Variants in LRP1B observed in about 807,000 individuals in gnomAD.
LRP1B encodes the protein low-density lipoprotein receptor-related protein 1B.
A neutral mutation model predicts 556.6 loss-of-function variants in LRP1B; 217 were observed. The observed-to-expected ratio is 0.39, with a 90% confidence interval of 0.35 to 0.44. The LOEUF (loss-of-function observed/expected upper bound fraction) is 0.44, where lower values mean the gene tolerates loss of function less well. Ranked by LOEUF, LRP1B falls within the 20% of genes least tolerant of loss-of-function variation. The pLI is 1.00. For missense variants in LRP1B, 5,053 were observed against 5,620.8 expected (o/e 0.90, Z 3.23); for synonymous variants, 2,047 against 1,865.8 (o/e 1.10, Z -2.50).
At chr2:140,419,016 A>G (rs1301642203) in intron 66 of LRP1B, among the ~76,000 whole-genome samples, 1 of 152,200 alleles carries the variant, frequency 6.6e-6, no homozygotes, top group Admixed American at 6.5e-5. Context: ...CTAAATAAAT[A>G]TAAAACACAG....
chr2:140,849,345 C>T (rs184942025), intron 29 of LRP1B, among the ~76,000 whole-genome samples: 78 of 149,028 alleles, frequency 5.2e-4, no homozygotes, highest in Non-Finnish European at 8.9e-4. Context: ...GCGCTGCAGC[C>T]TGGGTGACAG....
At chr2:140,453,466 C>T (rs1359068561) in intron 62 of LRP1B, among the ~76,000 whole-genome samples, 1 of 151,908 alleles carries the variant, frequency 6.6e-6, no homozygotes, top group African/African-American at 2.4e-5. Flanking sequence ...TAAATGTTCT[C>T]TAAGACTAAT....
At position 140,776,159 on chromosome 2, in the gene LRP1B, G is replaced by T; in HGVS notation, c.5439C>A (p.Ile1813=). Residue 1813 remains isoleucine, a synonymous_variant, in exon 33 of 91, where the codon ATC becomes ATA. Transcript: ENST00000389484. ...CSKRDGRNPT[I]LRNKTSGVVH... The stretch of plus-strand genomic sequence containing the variant: ...CTACCCCAGAAGTCTTATTCCGTAG[G>T]ATGGTGGGGTTTCTTCCGTCTCTTT... The T allele has an allele frequency of 6.3e-7, 1 of 1,596,708 alleles. No homozygotes were observed. The highest frequency in any genetic ancestry group is 1.1e-5 in the South Asian group (1 of 89,014).
chr2:141,196,836 A>G (rs2092000303), intron 6 of LRP1B, among the ~76,000 whole-genome samples: 1 of 152,050 alleles, frequency 6.6e-6, no homozygotes, highest in Admixed American at 6.6e-5. Flanking sequence ...ATTAGTCCTG[A>G]GACTTACTGC....
chr2:141,524,017 A>C (rs1308952692), intron 2 of LRP1B, among the ~76,000 whole-genome samples: 1 of 152,166 alleles, frequency 6.6e-6, no homozygotes, highest in Non-Finnish European at 1.5e-5. Flanking sequence ...ATTTCTGTAT[A>C]AATTTTTCAT....
At chr2:141,136,636 A>G (rs2105042693) in intron 7 of LRP1B, among the ~76,000 whole-genome samples, 1 of 151,780 alleles carries the variant, frequency 6.6e-6, no homozygotes, top group East Asian at 1.9e-4. Flanking sequence ...TGAGCAAAAA[A>G]AAAAAAAAAA....
intron 41 of LRP1B, among the ~76,000 whole-genome samples, chr2:140,649,036 T>C (rs1684582522): frequency 6.6e-6 from 1 of 152,158 alleles, no homozygotes; most frequent in Non-Finnish European, 1.5e-5. Context: ...GTTATATCTC[T>C]AGACTTTGAC....
chr2:140,429,035 A>G (rs546216411), intron 66 of LRP1B, among the ~76,000 whole-genome samples: 4 of 152,164 alleles, frequency 2.6e-5, no homozygotes, highest in Admixed American at 2.6e-4. Context: ...ACCCACAAGT[A>G]TAAGATACCT....
intron 1 of LRP1B, among the ~76,000 whole-genome samples, chr2:142,076,352 A>G (rs1386552812): frequency 1.3e-5 from 2 of 152,172 alleles, no homozygotes; most frequent in Non-Finnish European, 2.9e-5. Context: ...CAAAAGGAAC[A>G]TTAGGCTTAT....
chr2:140,994,073 G>T lies in LRP1B; in HGVS notation c.2566C>A (p.His856Asn), dbSNP rs747685401. The T allele has an allele frequency of 6.2e-7, 1 of 1,612,688 alleles. No homozygotes were observed. Among genetic ancestry groups the T allele is most frequent in the East Asian group, 2.2e-5 (1 of 44,772 alleles). Residue 856 changes from histidine (H) to asparagine (N), a missense_variant, in exon 16 of 91, where the codon CAC (histidine) becomes AAC (asparagine). This residue lies in a region of LRP1B where 3,619 missense variants were observed against 3,931.9 expected (regional missense o/e 0.92). Transcript: ENST00000389484. ...CATTTCCACCGAGCTTGGATACAGT[G>T]TCTGTTTTTGCAGCGAAACTCTCCA... ...KAGEFRCKNR[H>N]CIQARWKCDG...
chr2:141,269,665 C>A (rs1418394587), intron 3 of LRP1B, among the ~76,000 whole-genome samples: 1 of 151,988 alleles, frequency 6.6e-6, no homozygotes, highest in East Asian at 1.9e-4. Context: ...CAAAAATAAA[C>A]CCCACTGTGG....
intron 18 of LRP1B, among the ~76,000 whole-genome samples, chr2:140,981,773 T>G (rs1004864474): frequency 2.0e-4 from 31 of 152,214 alleles, no homozygotes; most frequent in African/African-American, 7.5e-4. Flanking sequence ...TACATGCCAA[T>G]AAGAAACATG....
chr2:141,038,216 C>G (rs558444625), intron 11 of LRP1B, among the ~76,000 whole-genome samples: 8 of 152,078 alleles, frequency 5.3e-5, no homozygotes, highest in Non-Finnish European at 1.2e-4. Flanking sequence ...AACAAATACG[C>G]CCTCCAGTCC....
At position 142,130,904 on chromosome 2, in the gene LRP1B, G is replaced by A. The variant is rs951442872; in HGVS notation, c.-175C>T. 2 of 661,338 alleles carry A rather than the reference G, an allele frequency of 3.0e-6. No individual in the cohort carries two copies. The highest frequency in any genetic ancestry group is 1.8e-5 in the African/African-American group (1 of 55,382). 41.0% of individuals were successfully genotyped at this position (661,338 alleles called of 1,614,324 possible). On this transcript the variant is annotated 5_prime_UTR_variant, in exon 1 of 91. Transcript: ENST00000389484. The stretch of plus-strand genomic sequence containing the variant: ...CAGCCAGTCAGCCTTCTCCTGCCTG[G>A]AGCAGGATGTGGAAGGTGGAGGGAT...
At chr2:141,824,762 T>C (rs936310902) in intron 1 of LRP1B, among the ~76,000 whole-genome samples, 1 of 152,218 alleles carries the variant, frequency 6.6e-6, no homozygotes, top group African/African-American at 2.4e-5. Context: ...TCCCACCTGC[T>C]CACTGATACT....
chr2:140,310,590 G>C (rs1684256552), intron 83 of LRP1B, among the ~76,000 whole-genome samples: 1 of 151,630 alleles, frequency 6.6e-6, no homozygotes, highest in Admixed American at 6.6e-5. Context: ...CAGGAATAAA[G>C]CTACATGCTT....
intron 3 of LRP1B, among the ~76,000 whole-genome samples, chr2:141,369,806 C>T (rs1019314074): frequency 1.4e-4 from 22 of 152,132 alleles, no homozygotes; most frequent in Non-Finnish European, 2.9e-4. Flanking sequence ...ATGATTTACC[C>T]TTCCAAGTCA....
At chr2:142,039,186 T>A (rs1050763412) in intron 1 of LRP1B, among the ~76,000 whole-genome samples, 3 of 151,552 alleles carry the variant, frequency 2.0e-5, no homozygotes, top group Non-Finnish European at 3.0e-5. Flanking sequence ...GGAATAATTA[T>A]GAAATGTGTA....
At chr2:140,332,383 G>A (rs927250739) in intron 79 of LRP1B, among the ~76,000 whole-genome samples, 10 of 151,990 alleles carry the variant, frequency 6.6e-5, no homozygotes. Context: ...CATAAGAGTT[G>A]TTGAGCAGAA....
Sources: gnomAD v4.1 joint callset for allele counts (sites outside exome capture counted in the v4.1 genomes callset) on GRCh38, gnomAD v4.1.1 for gene constraint, gnomAD v4.1.1 regional missense constraint, MANE v1.5 for transcripts, NCBI Gene and HGNC (gene_info 2026-07-23, HGNC 2026-07-21) for gene names.